Variants in COG5 observed in about 807,000 individuals in gnomAD.
The protein encoded by COG5 is conserved oligomeric Golgi complex subunit 5.
Under a neutral mutation model 110.4 loss-of-function variants are expected in COG5, and 86 were observed. The observed-to-expected ratio is 0.78, with a 90% CI of 0.65 to 0.93. COG5 has a LOEUF of 0.93. Among genes scored for constraint, COG5 ranks in the 40% least tolerant of loss-of-function variants. The pLI is 0.00. For synonymous variants in COG5, 360 were observed against 334.6 expected, an observed-to-expected ratio of 1.08 and a Z score of -0.83; for missense variants, 1,077 against 987.0, an observed-to-expected ratio of 1.09 and a Z score of -1.22.
chr7:107,323,686 G>C (rs1809509422), intron 11 of COG5, among the ~76,000 whole-genome samples: 1 of 152,322 alleles, frequency 6.6e-6, no homozygotes, highest in Non-Finnish European at 1.5e-5. Context: ...TAAGTAGAGA[G>C]ACAAGCAGAC....
intron 5 of COG5, 113 bp downstream of exon 5, chr7:107,547,998 C>T: frequency 1.1e-6 from 1 of 885,800 alleles, no homozygotes. Context: ...CTCCTTTTCT[C>T]TTACCTTCTG....
rs148948971 is a variant in COG5 at position 107,551,014 on chromosome 7, A to G, written c.293-2682T>C. Among the ~76,000 whole-genome samples the G allele has an allele frequency of 2.6e-4, 40 of 152,022 alleles. No homozygotes were observed. The East Asian group carries it at 7.6e-3, about 29-fold the overall frequency. ...TAATTACTATTTGATTGCCTGAATG[A>G]ACAAATAAATCAATGAGGCTACCTT... On this transcript the variant is annotated intron_variant, in intron 3 of 21. Transcript: ENST00000297135.
At chr7:107,262,786 A>T (rs1050745668) in intron 14 of COG5, among the ~76,000 whole-genome samples, 3 of 152,080 alleles carry the variant, frequency 2.0e-5, no homozygotes, top group African/African-American at 4.8e-5. Flanking sequence ...GCAATCAGAA[A>T]ACTCCTGTTC....
chr7:107,287,250 T>C (rs1805718021), intron 12 of COG5, among the ~76,000 whole-genome samples: 1 of 152,218 alleles, frequency 6.6e-6, no homozygotes, highest in Non-Finnish European at 1.5e-5. Context: ...CCTTGCAGTT[T>C]GGATTGGGCT....
At chr7:107,233,656 A>G (rs540423297) in intron 18 of COG5, among the ~76,000 whole-genome samples, 21 of 152,328 alleles carry the variant, frequency 1.4e-4, no homozygotes, top group African/African-American at 4.8e-4. Flanking sequence ...TTTTATCACA[A>G]GAACAGTTTT....
At chr7:107,251,990 G>A (rs1802548635) in intron 16 of COG5, among the ~76,000 whole-genome samples, 1 of 151,964 alleles carries the variant, frequency 6.6e-6, no homozygotes, top group African/African-American at 2.4e-5. Flanking sequence ...AAAAAAACAG[G>A]AAGAGAACAC....
rs931855501 is a variant in COG5, at chr7:107,481,283, C to T, written c.538+45954G>A. ...CAGGATGAAGAGAGAAAGTGGCTAGCGAGGATGACAAGGTTATGGGGAAAC... is the reference window on the plus strand; with the variant it reads ...CAGGATGAAGAGAGAAAGTGGCTAGTGAGGATGACAAGGTTATGGGGAAAC... On this transcript the variant is annotated intron_variant, in intron 6 of 21. Coordinates refer to ENST00000297135, the MANE Select transcript of COG5 (RefSeq NM_006348.5). Among the ~76,000 whole-genome samples the T allele has an allele frequency of 3.9e-5, 6 of 152,062 alleles. No individual in the cohort carries two copies. In the East Asian group the frequency reaches 5.8e-4, roughly 15 times the overall value.
At chr7:107,563,550 G>GC (rs1554466251) in intron 1 of COG5, 8 of 495,004 alleles carry the variant, frequency 1.6e-5, no homozygotes, top group South Asian at 6.6e-5. Context: ...GGCATGGGGG[G>GC]GGGGGGGGTC....
chr7:107,412,796 C>G (rs561605391), intron 6 of COG5, among the ~76,000 whole-genome samples, 164 bp from the exon 7 acceptor site: 2 of 151,418 alleles, frequency 1.3e-5, no homozygotes, highest in East Asian at 3.9e-4. Context: ...CAAATATTTT[C>G]TATTTAATAA....
At chr7:107,354,640 C>T (rs1812471569) in intron 10 of COG5, among the ~76,000 whole-genome samples, 1 of 152,214 alleles carries the variant, frequency 6.6e-6, no homozygotes, top group Non-Finnish European at 1.5e-5. Flanking sequence ...CACGCCACTG[C>T]ACTCTAGGCT....
At chr7:107,266,965 T>C (rs866475035) in intron 14 of COG5, among the ~76,000 whole-genome samples, 14 of 152,196 alleles carry the variant, frequency 9.2e-5, no homozygotes, top group African/African-American at 3.4e-4. Context: ...ACAGACTCAA[T>C]GGTAATGTTG....
intron 6 of COG5, among the ~76,000 whole-genome samples, chr7:107,496,361 C>T (rs1165625432): frequency 6.6e-6 from 1 of 151,980 alleles, no homozygotes; most frequent in East Asian, 1.9e-4. Flanking sequence ...GTTCAACATA[C>T]AAAAATCAAT....
Position 107,209,294 on chromosome 7 carries a change from A to C in COG5, c.2375+1232T>G, listed in dbSNP as rs1314241610. 3.1e-6 allele frequency: 3 copies of C among 958,236 alleles called. No individual in the cohort carries two copies. The African/African-American group carries it at 5.3e-5, about 17-fold the overall frequency. 59.4% of individuals were successfully genotyped at this position (958,236 alleles called of 1,614,324 possible). The stretch of plus-strand genomic sequence containing the variant: ...GACAGAGGAGTTGAATGATGATGTA[A>C]AGGTTTTCCGGCTTGGCTAGTTAGG... On this transcript the variant is annotated intron_variant, in intron 21 of 21. Transcript: ENST00000297135.
chr7:107,529,545 A>AT (rs999508537), intron 5 of COG5, among the ~76,000 whole-genome samples: 2 of 152,168 alleles, frequency 1.3e-5, no homozygotes, highest in African/African-American at 4.8e-5. Flanking sequence ...ATGCATAGAA[A>AT]TTCCTAAACA....
chr7:107,537,213 G>T (rs1801645273), intron 5 of COG5, among the ~76,000 whole-genome samples: 1 of 152,008 alleles, frequency 6.6e-6, no homozygotes, highest in African/African-American at 2.4e-5. Flanking sequence ...CCATTACAGG[G>T]TATATACCCA....
At chr7:107,424,469 G>C (rs923979145) in intron 6 of COG5, among the ~76,000 whole-genome samples, 5 of 150,312 alleles carry the variant, frequency 3.3e-5, no homozygotes, top group South Asian at 2.1e-4. Flanking sequence ...CTTTAAACAA[G>C]TGCAGGTTAT....
Position 107,563,543 on chromosome 7 carries a change from A to AT in COG5, c.94+259dup, listed in dbSNP as rs1554466222. The AT allele has an allele frequency of 2.1e-3, 662 of 316,492 alleles. 8 individuals carry two copies. Among genetic ancestry groups the AT allele is most frequent in the East Asian group, 8.6e-3 (164 of 19,056 alleles). The allele number at this position is 316,492 out of a possible 1,614,324, so 19.6% of individuals were successfully genotyped here. On this transcript the variant is annotated intron_variant, in intron 1 of 21. Transcript: ENST00000297135. ...CCGAAACTTCAGGGAAGCTGGAGGC[A>AT]TGGGGGGGGGGGGGGTCGAGTTGAA...
At chr7:107,403,326 A>G (rs1791575499) in intron 7 of COG5, among the ~76,000 whole-genome samples, 1 of 152,116 alleles carries the variant, frequency 6.6e-6, no homozygotes, top group Non-Finnish European at 1.5e-5. Flanking sequence ...TCCAAGTTCA[A>G]GGTGCCAGCA....
chr7:107,235,695 T>C (rs1801136755), intron 18 of COG5, among the ~76,000 whole-genome samples: 1 of 152,194 alleles, frequency 6.6e-6, no homozygotes, highest in Non-Finnish European at 1.5e-5. Flanking sequence ...AGAGCAAGAC[T>C]CTGTCTCAAA....
Sources: allele counts gnomAD v4.1 joint callset (sites outside exome capture counted in the v4.1 genomes callset), GRCh38; gene constraint gnomAD v4.1.1; transcripts MANE v1.5; gene names NCBI Gene and HGNC (gene_info 2026-07-23, HGNC 2026-07-21).